Variants in NEURL1B observed in about 807,000 individuals in gnomAD.
NEURL1B encodes the protein E3 ubiquitin-protein ligase NEURL1B.
NEURL1B carries 13 observed loss-of-function variants against 37.4 expected under a neutral mutation model. That is an observed-to-expected ratio of 0.35 (90% confidence interval 0.23 to 0.55). The LOEUF (loss-of-function observed/expected upper bound fraction) is 0.55, where lower values mean the gene tolerates loss of function less well. Among genes scored for constraint, NEURL1B ranks in the 20% least tolerant of loss-of-function variants. The pLI is 0.89. For synonymous variants in NEURL1B, 432 were observed against 426.6 expected (o/e 1.01, Z -0.16); for missense variants, 790 against 879.2 (o/e 0.90, Z 1.28).
At chr5:172,672,500 G>T (rs915101051) in intron 2 of NEURL1B, among the ~76,000 whole-genome samples, 1 of 151,344 alleles carries the variant, frequency 6.6e-6, no homozygotes, top group Non-Finnish European at 1.5e-5. Flanking sequence ...AGCAGCCTTT[G>T]ATGACTTAAT....
intron 2 of NEURL1B, among the ~76,000 whole-genome samples, chr5:172,673,487 A>G (rs1211264977): frequency 2.0e-5 from 3 of 152,168 alleles, no homozygotes; most frequent in African/African-American, 7.2e-5. Flanking sequence ...ATCAGGTCCC[A>G]CTGGATAAAA....
chr5:172,683,682 C>T lies in NEURL1B; in HGVS notation c.841C>T (p.Arg281Cys). 1 of 1,336,284 alleles carries T rather than the reference C, an allele frequency of 7.5e-7. No homozygotes were observed. Among genetic ancestry groups the T allele is most frequent in the South Asian group, 1.5e-5 (1 of 67,186 alleles). The allele number at this position is 1,336,284 out of a possible 1,614,324, so 82.8% of individuals were successfully genotyped here. A position where few individuals can be genotyped will look rare whatever the true frequency, so the allele number is the denominator to read the frequency against. Residue 281 changes from arginine (R) to cysteine (C), a missense_variant, in exon 3 of 5, where the codon CGC (arginine) becomes TGC (cysteine). Arg to Cys is a radical substitution (Grantham distance 180). Transcript: ENST00000369800. The surrounding 1 kb of genome is among the most constrained non-coding windows in gnomAD (Gnocchi z 5.6). The stretch of plus-strand genomic sequence containing the variant: ...GCCGGCGCTACTGGAGGCCGACCTG[C>T]GCTTCCACGCAACACGCGGGCCCGA... The part of the protein sequence containing the change: ...SSPALLEADL[R>C]FHATRGPDVS...
intron 1 of NEURL1B, among the ~76,000 whole-genome samples, chr5:172,643,396 T>C (rs1195720492): frequency 5.3e-5 from 8 of 152,232 alleles, no homozygotes; most frequent in African/African-American, 1.9e-4. Context: ...TCCCCATGCA[T>C]GGATTGTCCT....
intron 2 of NEURL1B, among the ~76,000 whole-genome samples, chr5:172,679,944 C>A (rs1211815116): frequency 6.6e-6 from 1 of 152,148 alleles, no homozygotes; most frequent in Admixed American, 6.5e-5. Context: ...TGACACTTCC[C>A]CACATAGGAC....
rs1232092867 is a variant in NEURL1B, at chr5:172,675,124, G to T, written c.577+4794G>T. Reference sequence around the variant, plus strand: ...ACTCCTGACCTCAGGTGATCCGCCCGCCTCGGCCTCCAAAAGTGCTGGGAT... The same window carrying T: ...ACTCCTGACCTCAGGTGATCCGCCCTCCTCGGCCTCCAAAAGTGCTGGGAT... On this transcript the variant is annotated intron_variant, in intron 2 of 4. Coordinates refer to ENST00000369800, the MANE Select transcript of NEURL1B (RefSeq NM_001142651.3). The surrounding 1 kb of genome is among the most constrained non-coding windows in gnomAD (Gnocchi z 4.7). Among the ~76,000 whole-genome samples, 1 of 152,118 alleles carries T rather than the reference G, an allele frequency of 6.6e-6. No homozygotes were observed. Among genetic ancestry groups the T allele is most frequent in the Admixed American group, 6.6e-5 (1 of 15,266 alleles).
chr5:172,685,829 G>A (rs576186792), intron 3 of NEURL1B, among the ~76,000 whole-genome samples: 168 of 152,254 alleles, frequency 1.1e-3, no homozygotes, highest in African/African-American at 3.3e-3. Flanking sequence ...ATTGGGTCTC[G>A]GGCCTTACGG....
rs748073809 is a variant in NEURL1B, at chr5:172,688,307, C to G, written c.*1382C>G. 1.3e-5 allele frequency: 2 copies of G among 152,750 alleles called. No individual in the cohort carries two copies. Among genetic ancestry groups the G allele is most frequent in the Non-Finnish European group, 2.9e-5 (2 of 68,112 alleles). The allele number at this position is 152,750 out of a possible 1,614,324, so 9.5% of individuals were successfully genotyped here. On this transcript the variant is annotated 3_prime_UTR_variant, in exon 5 of 5. Coordinates refer to ENST00000369800, the MANE Select transcript of NEURL1B (RefSeq NM_001142651.3). This position sits in a 1 kb window ranked among gnomAD's most constrained non-coding sequence, Gnocchi z 4.3. ...TCAGTTCCCAATTAGAAGTCTAGAA[C>G]CTGACAACTCCAGGAGTTCTTGGGA...
At chr5:172,685,561 C>T (rs1758476030) in intron 3 of NEURL1B, among the ~76,000 whole-genome samples, 1 of 152,196 alleles carries the variant, frequency 6.6e-6, no homozygotes, top group South Asian at 2.1e-4. Context: ...AGGGGCAAAA[C>T]CCCACTCAAA....
chr5:172,686,293 C>T lies in NEURL1B; in HGVS notation c.1420C>T (p.Leu474=), dbSNP rs534902647. The change falls in exon 4 of 5, where the codon CTG becomes TTG. Residue 474 remains leucine (L), a synonymous_variant. Coordinates refer to ENST00000369800, the MANE Select transcript of NEURL1B (RefSeq NM_001142651.3). This position sits in a 1 kb window ranked among gnomAD's most constrained non-coding sequence, Gnocchi z 7.9. ...NQSSSASESS[L]VTAPSSPLSP... is the part of the protein sequence containing the mutation. ...GTCCTCCTCGGCATCTGAGTCATCC[C>T]TGGGTAAGGAAATGCAAACCCTGGC... 1.9e-6 allele frequency: 3 copies of T among 1,551,686 alleles called. No individual in the cohort carries two copies. The highest frequency in any genetic ancestry group is 1.7e-4 in the Middle Eastern group (1 of 5,992).
chr5:172,646,849 GA>G (rs1304864995), intron 1 of NEURL1B, among the ~76,000 whole-genome samples: 3 of 152,002 alleles, frequency 2.0e-5, no homozygotes, highest in Non-Finnish European at 4.4e-5. Flanking sequence ...AGGCCTGAGG[GA>G]GGGGGAGCAG....
chr5:172,663,996 G>C (rs142845747), intron 1 of NEURL1B, among the ~76,000 whole-genome samples: 2 of 151,650 alleles, frequency 1.3e-5, no homozygotes, highest in Non-Finnish European at 2.9e-5. Flanking sequence ...TTTGGCCCTC[G>C]ATGGAATATT....
chr5:172,677,086 C>T (rs1173195305), intron 2 of NEURL1B, among the ~76,000 whole-genome samples: 1 of 151,766 alleles, frequency 6.6e-6, no homozygotes, highest in Non-Finnish European at 1.5e-5. Flanking sequence ...GGGGCTGTCT[C>T]GGTGAGGGGC....
chr5:172,691,270 C>T lies in NEURL1B; in HGVS notation c.*4345C>T, dbSNP rs1758652263. The T allele has an allele frequency of 6.6e-6, 1 of 152,152 alleles. No homozygotes were observed. Among genetic ancestry groups the T allele is most frequent in the South Asian group, 2.1e-4 (1 of 4,812 alleles). 9.4% of individuals were successfully genotyped at this position (152,152 alleles called of 1,614,324 possible). ...TTGGAGTGATGAAGTGTACATCCCC[C>T]ACCCCACACACCACTACCTGTGTAC... On this transcript the variant is annotated 3_prime_UTR_variant, in exon 5 of 5. Coordinates refer to ENST00000369800, the MANE Select transcript of NEURL1B (RefSeq NM_001142651.3).
Position 172,665,083 on chromosome 5 carries a change from C to T in NEURL1B, c.32-4702C>T, listed in dbSNP as rs1757984744. On this transcript the variant is annotated intron_variant, in intron 1 of 4. Coordinates refer to ENST00000369800, the MANE Select transcript of NEURL1B (RefSeq NM_001142651.3). This position sits in a 1 kb window ranked among gnomAD's most constrained non-coding sequence, Gnocchi z 4.1. ...GCCCTTCTGTAAAGAAACTCTCTGA[C>T]TGAGAGATGAGGTCGGAAAACAACA... Among the ~76,000 whole-genome samples the T allele has an allele frequency of 6.6e-6, 1 of 152,206 alleles. No homozygotes were observed. The highest frequency in any genetic ancestry group is 2.4e-5 in the African/African-American group (1 of 41,442).
chr5:172,663,703 TC>T (rs954010048), intron 1 of NEURL1B, among the ~76,000 whole-genome samples: 23 of 151,778 alleles, frequency 1.5e-4, no homozygotes, highest in Admixed American at 4.6e-4. Flanking sequence ...GGGGCACGGC[TC>T]ACTGGCTGGG....
At chr5:172,678,419 C>T (rs77333032) in intron 2 of NEURL1B, among the ~76,000 whole-genome samples, 2,881 of 152,320 alleles carry the variant, frequency 0.019, 67 homozygotes, top group East Asian at 0.068. Flanking sequence ...CCTATCCAGC[C>T]TCTCCTCCTA....
Position 172,676,010 on chromosome 5 carries a change from G to A in NEURL1B, c.577+5680G>A, listed in dbSNP as rs1758226458. ...GGCAGCTCCAGGGTGGTCAGTGTCA[G>A]CCCTGCTGTCCTTCCTTTGCCCAGT... On this transcript the variant is annotated intron_variant, in intron 2 of 4. Transcript: ENST00000369800. This position sits in a 1 kb window ranked among gnomAD's most constrained non-coding sequence, Gnocchi z 4.5. 6.6e-6 allele frequency among the ~76,000 whole-genome samples: 1 copy of A among 152,160 alleles called. No individual in the cohort carries two copies. The highest frequency in any genetic ancestry group is 1.5e-5 in the Non-Finnish European group (1 of 68,022).
At chr5:172,651,075 G>A (rs547482658) in intron 1 of NEURL1B, among the ~76,000 whole-genome samples, 3 of 152,322 alleles carry the variant, frequency 2.0e-5, no homozygotes, top group African/African-American at 7.2e-5. Flanking sequence ...TTACGAGGAA[G>A]TTTAAAAGTA....
At chr5:172,649,828 G>T (rs1757627857) in intron 1 of NEURL1B, among the ~76,000 whole-genome samples, 1 of 152,166 alleles carries the variant, frequency 6.6e-6, no homozygotes, top group Non-Finnish European at 1.5e-5. Context: ...CTTTCAGATA[G>T]CGGCAGGTGT....
Sources: gnomAD v4.1 joint callset for allele counts (sites outside exome capture counted in the v4.1 genomes callset) on GRCh38, gnomAD v4.1.1 for gene constraint, Gnocchi (gnomAD v3.1) non-coding constraint, MANE v1.5 for transcripts, NCBI Gene and HGNC (gene_info 2026-07-23, HGNC 2026-07-21) for gene names.